The following FRMD4A variants were observed in gnomAD, a reference collection of about 807,000 sequenced individuals.
The protein encoded by FRMD4A is FERM domain containing 4A.
A neutral mutation model predicts 129.1 loss-of-function variants in FRMD4A; 29 were observed. That is an observed-to-expected ratio of 0.22 (90% CI 0.17 to 0.31). The LOEUF is 0.31. FRMD4A is among the 10% of genes least tolerant of loss of function. The pLI is 1.00. For synonymous variants in FRMD4A, 634 were observed against 571.6 expected, an observed-to-expected ratio of 1.11 and a Z score of -1.56; for missense variants, 1,272 against 1,375.8, an observed-to-expected ratio of 0.92 and a Z score of 1.19.
intron 2 of FRMD4A, among the ~76,000 whole-genome samples, chr10:14,216,088 G>A (rs1843066960): frequency 6.6e-6 from 1 of 152,066 alleles, no homozygotes; most frequent in Admixed American, 6.6e-5. Flanking sequence ...GCTTTTGGAC[G>A]GGAACTCTAT....
At chr10:13,759,699 T>C (rs1355653402) in intron 8 of FRMD4A, among the ~76,000 whole-genome samples, 3 of 152,206 alleles carry the variant, frequency 2.0e-5, no homozygotes, top group Non-Finnish European at 2.9e-5. Flanking sequence ...ATAAAAATTG[T>C]AACAAGATTT....
chr10:13,707,279 C>G (rs2134904659), intron 12 of FRMD4A, 166 bp from the exon 13 acceptor site: 1 of 834,930 alleles, frequency 1.2e-6, no homozygotes, highest in South Asian at 2.5e-5. Flanking sequence ...CACATACACA[C>G]ACACACGCAG....
At chr10:13,854,549 T>C (rs1292259981) in intron 3 of FRMD4A, among the ~76,000 whole-genome samples, 3 of 151,776 alleles carry the variant, frequency 2.0e-5, no homozygotes, top group Non-Finnish European at 4.4e-5. Flanking sequence ...TCTTCCCAAG[T>C]AGCTGGGATT....
At chr10:13,929,635 C>A (rs987693577) in intron 2 of FRMD4A, among the ~76,000 whole-genome samples, 2 of 152,164 alleles carry the variant, frequency 1.3e-5, no homozygotes, top group African/African-American at 4.8e-5. Context: ...GAACAGCACT[C>A]CCCAAAGCTG....
At chr10:13,955,136 A>G (rs2095402527) in intron 2 of FRMD4A, among the ~76,000 whole-genome samples, 1 of 51,460 alleles carries the variant, frequency 1.9e-5, no homozygotes, top group African/African-American at 7.7e-5. Context: ...GAGACGGAGT[A>G]TCACTCTGTC....
At chr10:13,988,522 T>C (rs1292629894) in intron 2 of FRMD4A, among the ~76,000 whole-genome samples, 1 of 152,214 alleles carries the variant, frequency 6.6e-6, no homozygotes, top group Non-Finnish European at 1.5e-5. Context: ...TGTCTAAGTG[T>C]TTGCATAAAA....
chr10:14,046,413 T>C lies in FRMD4A; in HGVS notation c.46-187501A>G, dbSNP rs529085269. The stretch of plus-strand genomic sequence containing the variant: ...TTCTTTTCCACTCATGTATATGCTG[T>C]AGGAATGTTCTATAATATAAAAAAC... On this transcript the variant is annotated intron_variant, in intron 2 of 24. Coordinates refer to ENST00000357447, the MANE Select transcript of FRMD4A (RefSeq NM_018027.5). Among the ~76,000 whole-genome samples the C allele has an allele frequency of 6.6e-5, 10 of 152,286 alleles. No homozygotes were observed. In the East Asian group the frequency reaches 1.2e-3, roughly 18 times the overall value.
intron 2 of FRMD4A, among the ~76,000 whole-genome samples, chr10:13,968,699 C>A (rs1223152335): frequency 6.6e-6 from 1 of 152,206 alleles, no homozygotes; most frequent in Non-Finnish European, 1.5e-5. Flanking sequence ...GGTGATCCAC[C>A]CACCTTGGCC....
intron 3 of FRMD4A, among the ~76,000 whole-genome samples, chr10:13,835,119 G>A (rs538483669): frequency 4.6e-5 from 7 of 152,140 alleles, no homozygotes; most frequent in Admixed American, 1.3e-4. Context: ...TCAGCACAGC[G>A]GCAAGTGTAA....
intron 14 of FRMD4A, among the ~76,000 whole-genome samples, chr10:13,696,506 G>A (rs10906450): frequency 0.17 from 25,802 of 152,212 alleles, 2,301 homozygotes; most frequent in East Asian, 0.23. Context: ...CACTTTGGGA[G>A]GCCGAGGTGG....
intron 2 of FRMD4A, among the ~76,000 whole-genome samples, chr10:13,930,664 G>A (rs1234711489): frequency 6.6e-6 from 1 of 152,178 alleles, no homozygotes; most frequent in Non-Finnish European, 1.5e-5. Flanking sequence ...AGGGACTGCA[G>A]CTTTAGGAGA....
intron 2 of FRMD4A, among the ~76,000 whole-genome samples, chr10:14,245,708 G>C (rs1199177758): frequency 6.6e-6 from 1 of 152,162 alleles, no homozygotes; most frequent in Non-Finnish European, 1.5e-5. Flanking sequence ...TGAAGACCCA[G>C]GGAGAAGACA....
chr10:13,795,733 G>A (rs2093102473), intron 5 of FRMD4A, among the ~76,000 whole-genome samples: 2 of 152,130 alleles, frequency 1.3e-5, no homozygotes, highest in African/African-American at 4.8e-5. Flanking sequence ...TGGGTGTTTC[G>A]GAGCTGCTGG....
intron 3 of FRMD4A, among the ~76,000 whole-genome samples, chr10:13,847,649 G>A (rs1031833227): frequency 9.9e-5 from 15 of 152,284 alleles, no homozygotes; most frequent in African/African-American, 2.9e-4. Context: ...AGGGTCCAGC[G>A]GGTGGGATGT....
At chr10:13,784,499 AATT>A (rs983996844) in intron 5 of FRMD4A, among the ~76,000 whole-genome samples, 2 of 152,196 alleles carry the variant, frequency 1.3e-5, no homozygotes, top group African/African-American at 2.4e-5. Context: ...TTTAAAAATG[AATT>A]CTTCTAATCA....
At position 13,733,483 on chromosome 10, in the gene FRMD4A, C is replaced by T. The variant is rs150565325; in HGVS notation, c.759+4361G>A. On this transcript the variant is annotated intron_variant, in intron 12 of 24. Transcript: ENST00000357447. ...GGAGTCTCGCTCTGGAGTGCAGTGG[C>T]GAAATCTCAGCGCACTGCAACCTCC... Among the ~76,000 whole-genome samples the T allele has an allele frequency of 6.2e-3, 940 of 152,010 alleles. 9 individuals are homozygous for T. The highest frequency in any genetic ancestry group is 0.02 in the African/African-American group (846 of 41,474).
intron 2 of FRMD4A, among the ~76,000 whole-genome samples, chr10:14,015,748 G>C (rs925100272): frequency 6.6e-6 from 1 of 152,100 alleles, no homozygotes; most frequent in African/African-American, 2.4e-5. Flanking sequence ...ATTTTATTGA[G>C]TGTCTAATAA....
chr10:13,861,452 GCTTA>G (rs770781859), intron 2 of FRMD4A, among the ~76,000 whole-genome samples: 15 of 152,142 alleles, frequency 9.9e-5, no homozygotes, highest in Admixed American at 1.3e-4. Flanking sequence ...AGCATGTCCT[GCTTA>G]CATGGGGGCT....
rs772823407 is a variant in FRMD4A, at chr10:13,674,918, C to T, written c.1244G>A (p.Arg415Gln). 1.6e-5 allele frequency: 26 copies of T among 1,614,016 alleles called. No homozygotes were observed. Among genetic ancestry groups the T allele is most frequent in the African/African-American group, 2.7e-5 (2 of 74,938 alleles). ...GAGCTAGGAAAGGCTTACAGCTTCT[C>T]GGAGACACAGCTTCTTCAGTTCCTC... ...RLEELKKLCL[R>Q]EAELTGKLPV... The change falls in exon 16 of 25, where the codon CGA becomes CAA. Residue 415 changes from arginine (R) to glutamine (Q), a missense_variant. This residue lies in a region of FRMD4A where 972 missense variants were observed against 892.3 expected (regional missense o/e 1.09). Transcript: ENST00000357447.
Sources: gnomAD v4.1 joint callset for allele counts (sites outside exome capture counted in the v4.1 genomes callset) on GRCh38, gnomAD v4.1.1 for gene constraint, gnomAD v4.1.1 regional missense constraint, MANE v1.5 for transcripts, NCBI Gene and HGNC (gene_info 2026-07-23, HGNC 2026-07-21) for gene names.